WWOX: variants seen among roughly 807,000 people sequenced by gnomAD.
WWOX encodes WW domain-containing oxidoreductase.
In WWOX, 69 loss-of-function variants were observed where a neutral mutation model predicts 46.2. The observed-to-expected ratio is 1.49, with a 90% CI of 1.23 to 1.82. The LOEUF is 1.82. Among genes scored for constraint, WWOX ranks in the 40% most tolerant of loss-of-function variants. The pLI, the probability that WWOX is intolerant of heterozygous loss-of-function variation, is 0.00. For missense variants in WWOX, 919 were observed against 542.6 expected (o/e 1.69, Z -6.89); for synonymous variants, 359 against 202.6 (o/e 1.77, Z -6.56).
chr16:78,723,356 C>G (rs2048738727), intron 8 of WWOX, among the ~76,000 whole-genome samples: 1 of 152,050 alleles, frequency 6.6e-6, no homozygotes, highest in South Asian at 2.1e-4. Context: ...TGCTAAAGAG[C>G]CTTCCCCTAT....
At chr16:78,417,644 G>A (rs7188869) in intron 6 of WWOX, among the ~76,000 whole-genome samples, 38,547 of 152,104 alleles carry the variant, frequency 0.25, 10,361 homozygotes, top group African/African-American at 0.67. Context: ...GTTTTTAGCA[G>A]TGGTCCTGTC....
chr16:78,577,839 T>C (rs114429934), intron 8 of WWOX, among the ~76,000 whole-genome samples: 1,934 of 152,220 alleles, frequency 0.013, 25 homozygotes, highest in African/African-American at 0.031. Context: ...CAGATGACCT[T>C]GTTTGGGCTT....
chr16:78,548,137 A>T (rs1011562627), intron 8 of WWOX, among the ~76,000 whole-genome samples: 2 of 141,336 alleles, frequency 1.4e-5, no homozygotes, highest in Non-Finnish European at 3.0e-5. Context: ...CCTGGGTGAC[A>T]GAGCAAGACT....
chr16:78,739,180 C>T (rs891545779), intron 8 of WWOX, among the ~76,000 whole-genome samples: 1 of 151,902 alleles, frequency 6.6e-6, no homozygotes, highest in Non-Finnish European at 1.5e-5. Flanking sequence ...ATGACTTTTC[C>T]CCTGGATTCT....
intron 5 of WWOX, among the ~76,000 whole-genome samples, chr16:78,205,997 C>T (rs543246157): frequency 7.9e-5 from 12 of 152,000 alleles, no homozygotes; most frequent in African/African-American, 2.7e-4. Context: ...TTCCTCCCTT[C>T]CTGTCTCCAT....
intron 8 of WWOX, among the ~76,000 whole-genome samples, chr16:78,500,954 G>C (rs947227775): frequency 6.6e-6 from 1 of 152,148 alleles, no homozygotes; most frequent in Non-Finnish European, 1.5e-5. Context: ...ACCACGCTTA[G>C]GTCTGCTGGT....
chr16:78,752,667 C>G (rs899191743), intron 8 of WWOX, among the ~76,000 whole-genome samples: 4 of 152,190 alleles, frequency 2.6e-5, no homozygotes, highest in Non-Finnish European at 5.9e-5. Flanking sequence ...AAACATTTGT[C>G]TTCTGTTTTC....
chr16:78,458,222 A>T (rs553297551), intron 8 of WWOX, among the ~76,000 whole-genome samples: 1 of 147,808 alleles, frequency 6.8e-6, no homozygotes, highest in South Asian at 2.1e-4. Flanking sequence ...GCCCACTTCT[A>T]TTCCCTGCCA....
At chr16:78,124,744 T>C (rs2033284587) in intron 4 of WWOX, among the ~76,000 whole-genome samples, 1 of 152,218 alleles carries the variant, frequency 6.6e-6, no homozygotes, top group Non-Finnish European at 1.5e-5. Context: ...CTTTGAGTTA[T>C]TTGCTCACCA....
chr16:78,441,515 A>G (rs1458128139), intron 8 of WWOX, among the ~76,000 whole-genome samples: 1 of 152,146 alleles, frequency 6.6e-6, no homozygotes, highest in Non-Finnish European at 1.5e-5. Context: ...CTCATGGTCA[A>G]ATGACATGTA....
intron 8 of WWOX, among the ~76,000 whole-genome samples, chr16:78,495,290 G>A (rs1204557616): frequency 8.6e-5 from 13 of 151,644 alleles, no homozygotes; most frequent in Admixed American, 2.0e-4. Context: ...ACAGGCGCCC[G>A]CCACCACACC....
At chr16:78,748,715 C>A (rs960644093) in intron 8 of WWOX, among the ~76,000 whole-genome samples, 1 of 152,150 alleles carries the variant, frequency 6.6e-6, no homozygotes, top group African/African-American at 2.4e-5. Context: ...CAAAGGGTTC[C>A]CTCATTCCCT....
chr16:78,647,251 T>C (rs2046865335), intron 8 of WWOX, among the ~76,000 whole-genome samples: 1 of 152,166 alleles, frequency 6.6e-6, no homozygotes. Flanking sequence ...AGGGCAGGGC[T>C]GTTTCCCCAA....
chr16:78,253,463 G>A (rs1445877225), intron 5 of WWOX, among the ~76,000 whole-genome samples: 2 of 152,184 alleles, frequency 1.3e-5, no homozygotes, highest in African/African-American at 2.4e-5. Context: ...AAGGAGTTAG[G>A]TACCCTGCTC....
At chr16:79,209,181 C>T (rs1352004919) in intron 8 of WWOX, among the ~76,000 whole-genome samples, 1 of 152,096 alleles carries the variant, frequency 6.6e-6, no homozygotes, top group Non-Finnish European at 1.5e-5. Context: ...GCATTGTAGC[C>T]AAATGTAGGT....
At chr16:78,426,685 C>A (rs180976968) in intron 7 of WWOX, among the ~76,000 whole-genome samples, 1 of 152,092 alleles carries the variant, frequency 6.6e-6, no homozygotes, top group East Asian at 1.9e-4. Flanking sequence ...TATTATTTGA[C>A]ATGGAGTCTT....
chr16:78,547,036 G>C (rs566679978), intron 8 of WWOX, among the ~76,000 whole-genome samples: 2 of 150,640 alleles, frequency 1.3e-5, no homozygotes, highest in African/African-American at 2.4e-5. Flanking sequence ...GCTGAGGTTC[G>C]AGGGTTGCTT....
intron 8 of WWOX, among the ~76,000 whole-genome samples, chr16:78,605,398 G>A (rs1435490371): frequency 6.6e-6 from 1 of 151,316 alleles, no homozygotes; most frequent in South Asian, 2.1e-4. Context: ...CACAAAGACA[G>A]GGCTCATGTC....
chr16:79,023,353 C>G (rs962128785), intron 8 of WWOX, among the ~76,000 whole-genome samples: 1 of 152,106 alleles, frequency 6.6e-6, no homozygotes, highest in African/African-American at 2.4e-5. Flanking sequence ...GGTATGAGTT[C>G]TAGGGGGAGA....
Sources: allele counts gnomAD v4.1 joint callset (sites outside exome capture counted in the v4.1 genomes callset), GRCh38; gene constraint gnomAD v4.1.1; transcripts MANE v1.5; gene names NCBI Gene and HGNC (gene_info 2026-07-23, HGNC 2026-07-21).